KIRREL3: variants seen among roughly 807,000 people sequenced by gnomAD.
KIRREL3 encodes kirre like nephrin family adhesion molecule 3, also known as kin of IRRE-like protein 3.
In KIRREL3, 36 loss-of-function variants were observed where a neutral mutation model predicts 89.7. The observed-to-expected ratio is 0.40, with a 90% CI of 0.31 to 0.53. The LOEUF is 0.53. Ranked by LOEUF, KIRREL3 falls within the 20% of genes least tolerant of loss-of-function variation. The pLI, the probability that KIRREL3 is intolerant of heterozygous loss-of-function variation, is 0.49. For synonymous variants in KIRREL3, 445 were observed against 441.4 expected (o/e 1.01, Z -0.10); for missense variants, 864 against 1,056.6 (o/e 0.82, Z 2.53).
Position 126,454,194 on chromosome 11 carries a change from T to G in KIRREL3, c.848+2155A>C, listed in dbSNP as rs1201955711. ...TCTTTCCTATTATTGCTGTTCTGCT[T>G]TTTTGAGGTTGGTGACCCTGGGAAT... On this transcript the variant is annotated intron_variant, in intron 7 of 16. Coordinates refer to ENST00000525144, the MANE Select transcript of KIRREL3 (RefSeq NM_032531.4). This position sits in a 1 kb window ranked among gnomAD's most constrained non-coding sequence, Gnocchi z 5.8. Among the ~76,000 whole-genome samples the G allele has an allele frequency of 6.6e-6, 1 of 152,052 alleles. No individual in the cohort carries two copies. The highest frequency in any genetic ancestry group is 6.6e-5 in the Admixed American group (1 of 15,254).
chr11:126,856,617 A>G (rs1844878578), intron 1 of KIRREL3, among the ~76,000 whole-genome samples: 1 of 61,428 alleles, frequency 1.6e-5, no homozygotes, highest in South Asian at 4.3e-4. Flanking sequence ...ACACAGACAT[A>G]TATTTTTTTT....
In KIRREL3 at chr11:126,489,994, C is replaced by T. The variant is rs567080252; in HGVS notation, c.434-16528G>A. ...GCTGCATACGTTGGGGAAAATGAGA[C>T]GTGTTGCTTGGAAGCAGCCCATGAG... On this transcript the variant is annotated intron_variant, in intron 4 of 16. Transcript: ENST00000525144. This position sits in a 1 kb window ranked among gnomAD's most constrained non-coding sequence, Gnocchi z 5.5. Among the ~76,000 whole-genome samples the T allele has an allele frequency of 4.6e-5, 7 of 152,174 alleles. No homozygotes were observed. In the East Asian group the frequency reaches 1.4e-3, roughly 29 times the overall value.
intron 1 of KIRREL3, among the ~76,000 whole-genome samples, chr11:126,701,730 TCTGGAGCCACTCCCAGC>T (rs937323367): frequency 2.6e-5 from 4 of 151,950 alleles, no homozygotes; most frequent in Non-Finnish European, 5.9e-5. Flanking sequence ...TGGGCGGAGT[TCTGGAGCCACTCCCAGC>T]CTGGGGAGAA....
chr11:126,699,199 G>A (rs1947217704), intron 1 of KIRREL3, among the ~76,000 whole-genome samples: 1 of 152,202 alleles, frequency 6.6e-6, no homozygotes, highest in Non-Finnish European at 1.5e-5. Context: ...TGTGGATTGG[G>A]CCAAGGAAAT....
At chr11:126,646,369 GA>G (rs1944671967) in intron 1 of KIRREL3, among the ~76,000 whole-genome samples, 2 of 151,740 alleles carry the variant, frequency 1.3e-5, no homozygotes, top group Non-Finnish European at 2.9e-5. Context: ...TTGACCTCTT[GA>G]AACAAAATTT....
rs1006387026 is a variant in KIRREL3 at position 126,477,803 on chromosome 11, A to G, written c.434-4337T>C. 7.2e-5 allele frequency among the ~76,000 whole-genome samples: 11 copies of G among 152,122 alleles called. No individual in the cohort carries two copies. Among genetic ancestry groups the G allele is most frequent in the African/African-American group, 2.4e-4 (10 of 41,440 alleles). On this transcript the variant is annotated intron_variant, in intron 4 of 16. Coordinates refer to ENST00000525144, the MANE Select transcript of KIRREL3 (RefSeq NM_032531.4). The surrounding 1 kb of genome is among the most constrained non-coding windows in gnomAD (Gnocchi z 4.8). The stretch of plus-strand genomic sequence containing the variant: ...AGCCTGGGATGGTTGGTCTCTGAGC[A>G]TGGCTGATCGGTGGCAGCTGGAGGG...
chr11:126,465,888 G>T (rs914431179), intron 5 of KIRREL3, among the ~76,000 whole-genome samples: 1 of 152,222 alleles, frequency 6.6e-6, no homozygotes, highest in African/African-American at 2.4e-5. Flanking sequence ...GTGATAATAA[G>T]AACAATTTCC....
At chr11:126,512,770 C>A (rs760104756) in intron 4 of KIRREL3, among the ~76,000 whole-genome samples, 3 of 152,160 alleles carry the variant, frequency 2.0e-5, no homozygotes, top group Admixed American at 6.5e-5. Flanking sequence ...GGTATATTAT[C>A]CTTGCTCTCA....
rs1949635370 is a variant in KIRREL3, at chr11:126,978,318, T to C, written c.55+22137A>G. On this transcript the variant is annotated intron_variant, in intron 1 of 16. Coordinates refer to ENST00000525144, the MANE Select transcript of KIRREL3 (RefSeq NM_032531.4). The surrounding 1 kb of genome is among the most constrained non-coding windows in gnomAD (Gnocchi z 4.2). ...TCCTCCCCTGTGGTGGGCGTGTTCT[T>C]CACCTTCCCTTCAAACTTTAGCCAA... Among the ~76,000 whole-genome samples, 1 of 152,202 alleles carries C rather than the reference T, an allele frequency of 6.6e-6. No homozygotes were observed. The highest frequency in any genetic ancestry group is 2.1e-4 in the South Asian group (1 of 4,822).
At chr11:126,756,751 A>G (rs1265879719) in intron 1 of KIRREL3, among the ~76,000 whole-genome samples, 6 of 152,208 alleles carry the variant, frequency 3.9e-5, no homozygotes, top group African/African-American at 7.2e-5. Flanking sequence ...TCCACTCCCA[A>G]TGTGCCAGCA....
In KIRREL3 at chr11:126,924,974, GAA is replaced by G. The variant is rs56150011; in HGVS notation, c.55+75479_55+75480del. On this transcript the variant is annotated intron_variant, in intron 1 of 16. Transcript: ENST00000525144. The surrounding 1 kb of genome is among the most constrained non-coding windows in gnomAD (Gnocchi z 4.7). Reference sequence around the variant, plus strand: ...CAGTGGAGGAGGTTGGGATAAAATTGAAAAAAAAAAAAAACAGTCCTAGGAGT... The same window carrying G: ...CAGTGGAGGAGGTTGGGATAAAATTGAAAAAAAAAAAACAGTCCTAGGAGT... 0.7 allele frequency among the ~76,000 whole-genome samples: 100,474 copies of G among 143,030 alleles called. 36,096 individuals carry two copies. Among genetic ancestry groups the G allele is most frequent in the African/African-American group, 0.88 (34,210 of 38,774 alleles). The allele number at this position is 143,030 out of a possible 152,430, so 93.8% of individuals were successfully genotyped here. A position where few individuals can be genotyped will look rare whatever the true frequency, so the allele number is the denominator to read the frequency against.
In KIRREL3 at chr11:126,811,415, C is replaced by T. The variant is rs952441276; in HGVS notation, c.55+189040G>A. Among the ~76,000 whole-genome samples the T allele has an allele frequency of 1.3e-5, 2 of 152,114 alleles. No homozygotes were observed. The highest frequency in any genetic ancestry group is 2.4e-5 in the African/African-American group (1 of 41,422). ...GCTGTGTCTGAATTTTGGTTAATTG[C>T]TGCATCCCTAGAACCCTGAAAAGTG... On this transcript the variant is annotated intron_variant, in intron 1 of 16. Coordinates refer to ENST00000525144, the MANE Select transcript of KIRREL3 (RefSeq NM_032531.4). This position sits in a 1 kb window ranked among gnomAD's most constrained non-coding sequence, Gnocchi z 4.3.
At chr11:126,889,253 G>A (rs1487941194) in intron 1 of KIRREL3, among the ~76,000 whole-genome samples, 1 of 141,166 alleles carries the variant, frequency 7.1e-6, no homozygotes, top group Non-Finnish European at 1.5e-5. Context: ...CAAGTACCCA[G>A]GGATCTGCTT....
At position 126,877,744 on chromosome 11, in the gene KIRREL3, A is replaced by T. The variant is rs1945343784; in HGVS notation, c.55+122711T>A. 6.6e-6 allele frequency among the ~76,000 whole-genome samples: 1 copy of T among 152,212 alleles called. No homozygotes were observed. The highest frequency in any genetic ancestry group is 1.5e-5 in the Non-Finnish European group (1 of 68,040). On this transcript the variant is annotated intron_variant, in intron 1 of 16. Coordinates refer to ENST00000525144, the MANE Select transcript of KIRREL3 (RefSeq NM_032531.4). This position sits in a 1 kb window ranked among gnomAD's most constrained non-coding sequence, Gnocchi z 4.9. Reference sequence around the variant, plus strand: ...TAACTAAAATAATTCTGGGCACAGGATGGTGTATAAAAATACAGGCATGAC... The same window carrying T: ...TAACTAAAATAATTCTGGGCACAGGTTGGTGTATAAAAATACAGGCATGAC...
In KIRREL3 at chr11:126,519,089, G is replaced by T. The variant is rs183466920; in HGVS notation, c.433+2226C>A. Among the ~76,000 whole-genome samples, 258 of 152,302 alleles carry T rather than the reference G, an allele frequency of 1.7e-3. No individual in the cohort carries two copies. Among genetic ancestry groups the T allele is most frequent in the African/African-American group, 5.5e-3 (230 of 41,564 alleles). ...TGGAAACTTCCTCTGCCCTCCTTCC[G>T]CTGATCTCCAGACTTGAATAAAACA... On this transcript the variant is annotated intron_variant, in intron 4 of 16. Transcript: ENST00000525144. This position sits in a 1 kb window ranked among gnomAD's most constrained non-coding sequence, Gnocchi z 4.3.
At chr11:126,585,451 C>T (rs1445171182) in intron 1 of KIRREL3, among the ~76,000 whole-genome samples, 1 of 150,590 alleles carries the variant, frequency 6.6e-6, no homozygotes, top group East Asian at 2.0e-4. Context: ...CCAGGCTGCT[C>T]TCGAATTCCT....
chr11:126,621,655 C>A (rs976447566), intron 1 of KIRREL3, among the ~76,000 whole-genome samples: 1 of 151,956 alleles, frequency 6.6e-6, no homozygotes, highest in Non-Finnish European at 1.5e-5. Context: ...AACTATAAAA[C>A]CCATTGAAAC....
At position 126,782,444 on chromosome 11, in the gene KIRREL3, A is replaced by C. The variant is rs1950355884; in HGVS notation, c.55+218011T>G. Among the ~76,000 whole-genome samples the C allele has an allele frequency of 6.6e-6, 1 of 152,244 alleles. No individual in the cohort carries two copies. The highest frequency in any genetic ancestry group is 2.4e-5 in the African/African-American group (1 of 41,462). On this transcript the variant is annotated intron_variant, in intron 1 of 16. Transcript: ENST00000525144. The surrounding 1 kb of genome is among the most constrained non-coding windows in gnomAD (Gnocchi z 4.1). ...TATTAGAGAAGACGAGGGAGAAAGT[A>C]CAGGCTCTTGAACTCAGCTGGGAGG...
At chr11:126,538,057 G>C (rs73633796) in intron 2 of KIRREL3, among the ~76,000 whole-genome samples, 1,740 of 152,036 alleles carry the variant, frequency 0.011, 32 homozygotes, top group African/African-American at 0.039. Flanking sequence ...CTGTCTTGCA[G>C]AGTCCCAAGG....
Sources: allele counts gnomAD v4.1 joint callset (sites outside exome capture counted in the v4.1 genomes callset), GRCh38; gene constraint gnomAD v4.1.1; non-coding constraint Gnocchi (gnomAD v3.1); transcripts MANE v1.5; gene names NCBI Gene and HGNC (gene_info 2026-07-23, HGNC 2026-07-21).